TSPEAR: variants seen among roughly 807,000 people sequenced by gnomAD.
The protein encoded by TSPEAR is thrombospondin-type laminin G domain and EAR repeat-containing protein.
Under a neutral mutation model 71.6 loss-of-function variants are expected in TSPEAR, and 69 were observed. The ratio of observed to expected loss-of-function variants is 0.96; its 90% CI spans 0.79 to 1.18. The LOEUF is 1.18. TSPEAR is among the 50% of genes most tolerant of loss of function. The probability of loss-of-function intolerance (pLI) is 0.00; values close to 1 mark genes in which losing one functional copy is unlikely to be tolerated. For synonymous variants in TSPEAR, 402 were observed against 387.2 expected (o/e 1.04, Z -0.45); for missense variants, 971 against 894.9 (o/e 1.09, Z -1.09).
At position 44,546,366 on chromosome 21, in the gene TSPEAR, G is replaced by A. The variant is rs587699961; in HGVS notation, c.304-12443C>T. 5.3e-5 allele frequency among the ~76,000 whole-genome samples: 8 copies of A among 152,230 alleles called. No homozygotes were observed. The highest frequency in any genetic ancestry group is 1.9e-4 in the East Asian group (1 of 5,178). ...TGAATCACTTTCTCTTCAGAGTCTC[G>A]CTCTGTTGCCCAGGCTGGAGTGCAG... is the stretch of plus-strand genomic sequence containing the variant. On this transcript the variant is annotated intron_variant, in intron 2 of 11. Coordinates refer to ENST00000323084, the MANE Select transcript of TSPEAR (RefSeq NM_144991.3). The surrounding 1 kb of genome is among the most constrained non-coding windows in gnomAD (Gnocchi z 4.4).
chr21:44,632,770 G>A (rs1239061797), intron 1 of TSPEAR, among the ~76,000 whole-genome samples: 1 of 152,166 alleles, frequency 6.6e-6, no homozygotes, highest in African/African-American at 2.4e-5. Flanking sequence ...CTTGAACCTG[G>A]GAGGCAGAGG....
In TSPEAR at chr21:44,637,457, A is replaced by C. The variant is rs782257617; in HGVS notation, c.83-69452T>G. ...CATGTCCATCTGCTCCAGCGCCTGC[A>C]CTGACTCTTGGCGGGTAGTCGACTG... On this transcript the variant is annotated intron_variant, in intron 1 of 11. Transcript: ENST00000323084. The C allele has an allele frequency of 2.3e-5, 37 of 1,612,748 alleles. 1 individual carries two copies. In the South Asian group the frequency reaches 4.0e-4, roughly 17 times the overall value.
chr21:44,654,473 G>A lies in TSPEAR; in HGVS notation c.82+56960C>T, dbSNP rs782422286. 1.4e-5 allele frequency: 22 copies of A among 1,613,874 alleles called. No individual in the cohort carries two copies. The highest frequency in any genetic ancestry group is 8.3e-5 in the Admixed American group (5 of 59,992). Reference sequence around the variant, plus strand: ...CAGCAGGTGGATACCCCACACAGGGGCCGGCACAGCAGAGCCACACAGGGG... The same window carrying A: ...CAGCAGGTGGATACCCCACACAGGGACCGGCACAGCAGAGCCACACAGGGG... On this transcript the variant is annotated intron_variant, in intron 1 of 11. Transcript: ENST00000323084.
chr21:44,666,631 C>T (rs782211386), intron 1 of TSPEAR: 2 of 1,613,324 alleles, frequency 1.2e-6, no homozygotes, highest in East Asian at 2.2e-5. Flanking sequence ...CTCACAGGCA[C>T]ACACACAGAA....
At chr21:44,557,933 C>G in intron 2 of TSPEAR, 1 of 1,213,144 alleles carries the variant, frequency 8.2e-7, no homozygotes, top group Non-Finnish European at 1.1e-6. Flanking sequence ...CTCAGCATTG[C>G]TGGCTGGAGG....
intron 1 of TSPEAR, among the ~76,000 whole-genome samples, chr21:44,685,505 C>T (rs371883000): frequency 2.0e-5 from 3 of 152,034 alleles, no homozygotes; most frequent in Non-Finnish European, 2.9e-5. Flanking sequence ...AGCTCAGGCC[C>T]TCCTCTGTGA....
At chr21:44,681,414 C>A (rs1464546987) in intron 1 of TSPEAR, among the ~76,000 whole-genome samples, 1 of 152,210 alleles carries the variant, frequency 6.6e-6, no homozygotes, top group East Asian at 1.9e-4. Context: ...CTGGGAGAGA[C>A]CACATGGGCA....
intron 1 of TSPEAR, among the ~76,000 whole-genome samples, chr21:44,644,498 G>A (rs1333268406): frequency 6.6e-6 from 1 of 152,120 alleles, no homozygotes; most frequent in African/African-American, 2.4e-5. Context: ...AAAAACGGGA[G>A]GCTCAGCAGG....
At chr21:44,554,523 T>C (rs1194948427) in intron 2 of TSPEAR, among the ~76,000 whole-genome samples, 1 of 152,240 alleles carries the variant, frequency 6.6e-6, no homozygotes, top group Non-Finnish European at 1.5e-5. Flanking sequence ...ACCAATGTGC[T>C]CAGTTATAAC....
Position 44,533,684 on chromosome 21 carries a change from C to T in TSPEAR, c.542+1G>A, listed in dbSNP as rs1555915986. On this transcript the variant is annotated splice_donor_variant, in intron 3 of 11. Coordinates refer to ENST00000323084, the MANE Select transcript of TSPEAR (RefSeq NM_144991.3). LOFTEE classifies it high-confidence loss of function. The stretch of plus-strand genomic sequence containing the variant: ...TGCACCCTCCCCGGGTGGGTACCTA[C>T]ATGTCCACCGGGAGGCCGCAGTCCG... 6.2e-7 allele frequency: 1 copy of T among 1,604,992 alleles called. No individual in the cohort carries two copies. The highest frequency in any genetic ancestry group is 1.7e-4 in the Middle Eastern group (1 of 5,824).
At chr21:44,501,723 C>T (rs182174720) in intron 11 of TSPEAR, among the ~76,000 whole-genome samples, 26 of 152,310 alleles carry the variant, frequency 1.7e-4, no homozygotes, top group African/African-American at 6.3e-4. Context: ...TGAGGTTATG[C>T]CACTGCACTT....
Position 44,704,249 on chromosome 21 carries a change from A to ACCCC in TSPEAR, c.82+7180_82+7183dup, listed in dbSNP as rs146556832. 3.1e-4 allele frequency among the ~76,000 whole-genome samples: 46 copies of ACCCC among 147,144 alleles called. 1 individual carries two copies. The Middle Eastern group carries it at 0.021, about 68-fold the overall frequency. The stretch of plus-strand genomic sequence containing the variant: ...TGCCCCCTGCTTCCCTGGGTACCCC[A>ACCCC]CCCCCCCACCACTCTCCAGGGGTCC... On this transcript the variant is annotated intron_variant, in intron 1 of 11. Transcript: ENST00000323084.
intron 2 of TSPEAR, among the ~76,000 whole-genome samples, chr21:44,565,426 C>G (rs1555921619): frequency 6.6e-6 from 1 of 152,144 alleles, no homozygotes; most frequent in African/African-American, 2.4e-5. Flanking sequence ...AAACTACAGA[C>G]CAATACCACT....
intron 7 of TSPEAR, among the ~76,000 whole-genome samples, chr21:44,526,247 G>C (rs748399402): frequency 6.6e-6 from 1 of 152,190 alleles, no homozygotes; most frequent in African/African-American, 2.4e-5. Context: ...GGCAATGTGT[G>C]TAAAACATGA....
At chr21:44,690,575 G>A in intron 1 of TSPEAR, 2 of 985,474 alleles carry the variant, frequency 2.0e-6, no homozygotes, top group Non-Finnish European at 2.4e-6. Flanking sequence ...CGGGAGGTCA[G>A]CATTCAGCCC....
At chr21:44,544,279 C>T (rs2053266371) in intron 2 of TSPEAR, among the ~76,000 whole-genome samples, 1 of 147,376 alleles carries the variant, frequency 6.8e-6, no homozygotes, top group South Asian at 2.1e-4. Flanking sequence ...GATATTATGG[C>T]AATAGTAATC....
chr21:44,517,543 G>C, intron 9 of TSPEAR: 1 of 344,580 alleles, frequency 2.9e-6, no homozygotes, highest in South Asian at 2.2e-5. Context: ...GGTCCAGCTA[G>C]GCTGGGACAT....
intron 3 of TSPEAR, among the ~76,000 whole-genome samples, chr21:44,531,548 A>G (rs959670386): frequency 3.9e-5 from 6 of 151,984 alleles, no homozygotes; most frequent in Middle Eastern, 3.2e-3. Context: ...GTAAGGTCAC[A>G]TTCACGGGTG....
intron 8 of TSPEAR, among the ~76,000 whole-genome samples, chr21:44,522,471 A>G (rs1010020658): frequency 1.3e-5 from 2 of 152,030 alleles, no homozygotes; most frequent in South Asian, 4.2e-4. Flanking sequence ...CTTCCCACGC[A>G]CTGCCACCTC....
Sources: allele counts gnomAD v4.1 joint callset (sites outside exome capture counted in the v4.1 genomes callset), GRCh38; gene constraint gnomAD v4.1.1; non-coding constraint Gnocchi (gnomAD v3.1); transcripts MANE v1.5; gene names NCBI Gene and HGNC (gene_info 2026-07-23, HGNC 2026-07-21).